The following CTNNA1 variants were observed in gnomAD, a reference collection of about 807,000 sequenced individuals.
CTNNA1 encodes catenin alpha 1, also known as catenin alpha-1.
In CTNNA1, 37 loss-of-function variants were observed where a neutral mutation model predicts 98.4. That is an observed-to-expected ratio of 0.38 (90% CI 0.29 to 0.49). The LOEUF is 0.49. CTNNA1 is among the 20% of genes least tolerant of loss of function. The probability of loss-of-function intolerance (pLI) is 0.95; values close to 1 mark genes in which losing one functional copy is unlikely to be tolerated. For synonymous variants in CTNNA1, 404 were observed against 413.2 expected (o/e 0.98, Z 0.27); for missense variants, 761 against 1,147.2 (o/e 0.66, Z 4.86).
At chr5:138,810,323 A>G (rs945315479) in intron 4 of CTNNA1, 119 bp downstream of exon 4, 1 of 1,057,510 alleles carries the variant, frequency 9.5e-7, no homozygotes. Context: ...ATCTCAATGG[A>G]CCAGAGATGT....
At chr5:138,893,352 T>G (rs1302651838) in intron 9 of CTNNA1, among the ~76,000 whole-genome samples, 2 of 152,100 alleles carry the variant, frequency 1.3e-5, no homozygotes, top group African/African-American at 4.8e-5. Flanking sequence ...GTGCTGCTGC[T>G]CAGTGTCATC....
intron 3 of CTNNA1, among the ~76,000 whole-genome samples, chr5:138,808,861 C>T (rs1758381273): frequency 6.6e-6 from 1 of 152,056 alleles, no homozygotes. Context: ...CAAGACACAA[C>T]ACTGGCCCTT....
chr5:138,838,008 C>G (rs891734057), intron 7 of CTNNA1, among the ~76,000 whole-genome samples: 4 of 152,110 alleles, frequency 2.6e-5, no homozygotes, highest in Non-Finnish European at 4.4e-5. Context: ...AATTTTTAAT[C>G]TGTTTCAATC....
chr5:138,857,369 G>T (rs1763817876), intron 7 of CTNNA1, among the ~76,000 whole-genome samples: 1 of 152,076 alleles, frequency 6.6e-6, no homozygotes, highest in Non-Finnish European at 1.5e-5. Flanking sequence ...CTATTAATGG[G>T]CATCATGTCT....
chr5:138,824,558 A>G lies in CTNNA1; in HGVS notation c.617A>G (p.Gln206Arg), dbSNP rs1370136860. Residue 206 changes from glutamine (Q) to arginine (R), a missense_variant, in exon 6 of 18, where the codon CAG becomes CGG. Physicochemically the swap from Gln to Arg is conservative, Grantham distance 43. Around this residue, in one of 6 missense-constraint regions of CTNNA1, gnomAD observed 328 missense variants for 354.3 expected, o/e 0.93. Coordinates refer to ENST00000302763, the MANE Select transcript of CTNNA1 (RefSeq NM_001903.5). ...QELKDVGHRDQMAAARGILQK... is the reference protein window; with the variant it reads ...QELKDVGHRDRMAAARGILQK... ...TTGAAAGATGTTGGCCATCGTGATC[A>G]GATGGCTGCAGCTAGAGGAATCCTG... The G allele has an allele frequency of 6.2e-7, 1 of 1,614,192 alleles. No homozygotes were observed. Among genetic ancestry groups the G allele is most frequent in the East Asian group, 2.2e-5 (1 of 44,886 alleles).
chr5:138,882,249 T>G (rs765230930), intron 7 of CTNNA1, among the ~76,000 whole-genome samples: 5 of 152,212 alleles, frequency 3.3e-5, no homozygotes, highest in Non-Finnish European at 7.3e-5. Context: ...AAGGAAGTAG[T>G]TTCTCATCTG....
intron 5 of CTNNA1, among the ~76,000 whole-genome samples, chr5:138,823,010 A>G (rs1760190791): frequency 6.6e-6 from 1 of 152,218 alleles, no homozygotes; most frequent in Non-Finnish European, 1.5e-5. Context: ...TACTGTTTAC[A>G]CATGTAATAC....
chr5:138,881,040 A>G (rs962899194), intron 7 of CTNNA1: 3 of 456,186 alleles, frequency 6.6e-6, no homozygotes, highest in African/African-American at 6.0e-5. Flanking sequence ...TACGGTTTAT[A>G]GCAGCATGTC....
intron 9 of CTNNA1, among the ~76,000 whole-genome samples, chr5:138,901,026 C>A (rs531844684): frequency 6.6e-6 from 1 of 152,258 alleles, no homozygotes; most frequent in African/African-American, 2.4e-5. Context: ...ATAATTTATT[C>A]TCCTAACAAA....
chr5:138,813,824 G>A (rs372253683), intron 5 of CTNNA1, among the ~76,000 whole-genome samples: 2 of 152,054 alleles, frequency 1.3e-5, no homozygotes, highest in African/African-American at 4.8e-5. Context: ...TTGTCATGTT[G>A]CCAGGCTGGT....
chr5:138,901,579 C>A (rs531902751), intron 9 of CTNNA1, among the ~76,000 whole-genome samples: 1 of 152,274 alleles, frequency 6.6e-6, no homozygotes, highest in East Asian at 1.9e-4. Flanking sequence ...TGCGTGCCAC[C>A]ACACCCAGCC....
rs1424890664 is a variant in CTNNA1, at chr5:138,887,617, G to A, written c.1271G>A (p.Arg424His). 17 of 1,610,900 alleles carry A rather than the reference G, an allele frequency of 1.1e-5. No homozygotes were observed. The highest frequency in any genetic ancestry group is 5.1e-5 in the Admixed American group (3 of 59,302). The change falls in exon 9 of 18, where the codon CGT (arginine) becomes CAT (histidine). Residue 424 changes from arginine (R) to histidine (H), a missense_variant. Coordinates refer to ENST00000302763, the MANE Select transcript of CTNNA1 (RefSeq NM_001903.5). Reference sequence around the variant, plus strand: ...GTTAAGGAGTATGCCCAAGTTTTCCGTGAACATGCCAACAAATTGATTGAG... The same window carrying A: ...GTTAAGGAGTATGCCCAAGTTTTCCATGAACATGCCAACAAATTGATTGAG... Reference protein sequence around the residue: ...KEVKEYAQVFREHANKLIEVA... With the variant: ...KEVKEYAQVFHEHANKLIEVA...
At chr5:138,785,809 G>A (rs1287442796) in intron 3 of CTNNA1, among the ~76,000 whole-genome samples, 1 of 152,190 alleles carries the variant, frequency 6.6e-6, no homozygotes, top group Middle Eastern at 3.4e-3. Flanking sequence ...TGGCAGGCTC[G>A]TCTCGAACTC....
intron 7 of CTNNA1, among the ~76,000 whole-genome samples, chr5:138,856,263 T>G (rs913729143): frequency 5.9e-5 from 9 of 152,208 alleles, no homozygotes; most frequent in African/African-American, 2.2e-4. Flanking sequence ...AACCTTATAA[T>G]AAGATACTCT....
chr5:138,906,914 A>T (rs1759379026), intron 10 of CTNNA1, among the ~76,000 whole-genome samples: 1 of 152,218 alleles, frequency 6.6e-6, no homozygotes, highest in South Asian at 2.1e-4. Context: ...AGACATGGTC[A>T]CAGCAAACTG....
intron 9 of CTNNA1, among the ~76,000 whole-genome samples, chr5:138,903,279 A>G (rs575139806): frequency 6.6e-6 from 1 of 152,234 alleles, no homozygotes; most frequent in East Asian, 1.9e-4. Context: ...ATAGTGTATA[A>G]TTTTTCTGAT....
At chr5:138,932,127 A>C in intron 16 of CTNNA1, 1 of 988,056 alleles carries the variant, frequency 1.0e-6, no homozygotes, top group Non-Finnish European at 1.2e-6. Flanking sequence ...AAAGTGCCTC[A>C]GAGCAGAAGA....
chr5:138,880,936 G>GAAAAAAA (rs5871683), intron 7 of CTNNA1: 1 of 364,010 alleles, frequency 2.7e-6, no homozygotes, highest in Admixed American at 3.0e-5. Context: ...ATATGGCAAG[G>GAAAAAAA]AAAAAAAAAA....
chr5:138,849,854 G>A (rs939129205), intron 7 of CTNNA1, among the ~76,000 whole-genome samples: 2 of 151,968 alleles, frequency 1.3e-5, no homozygotes, highest in Non-Finnish European at 2.9e-5. Context: ...AATAGGCAGT[G>A]CATTTACATG....
Sources: allele counts gnomAD v4.1 joint callset (sites outside exome capture counted in the v4.1 genomes callset), GRCh38; gene constraint gnomAD v4.1.1; regional missense constraint gnomAD v4.1.1; transcripts MANE v1.5; gene names NCBI Gene and HGNC (gene_info 2026-07-23, HGNC 2026-07-21).